CADPS2: variants seen among roughly 807,000 people sequenced by gnomAD.
The protein encoded by CADPS2 is calcium-dependent secretion activator 2.
Under a neutral mutation model 172.5 loss-of-function variants are expected in CADPS2, and 93 were observed. That is an observed-to-expected ratio of 0.54 (90% CI 0.46 to 0.64). The LOEUF is 0.64. Among genes scored for constraint, CADPS2 ranks in the 30% least tolerant of loss-of-function variants. CADPS2 has a pLI of 0.00. For missense variants in CADPS2, 1,420 were observed against 1,565.9 expected, an observed-to-expected ratio of 0.91 and a Z score of 1.57; for synonymous variants, 546 against 555.2, an observed-to-expected ratio of 0.98 and a Z score of 0.23.
chr7:122,493,720 C>CTTTTT (rs10544810), intron 9 of CADPS2, among the ~76,000 whole-genome samples: 1 of 131,582 alleles, frequency 7.6e-6, no homozygotes, highest in East Asian at 2.3e-4. Context: ...TATGTTTAAT[C>CTTTTT]TTTTTTTTTT....
intron 7 of CADPS2, among the ~76,000 whole-genome samples, chr7:122,559,542 C>G (rs971080487): frequency 6.6e-6 from 1 of 151,948 alleles, no homozygotes; most frequent in Non-Finnish European, 1.5e-5. Context: ...GAAGCCGAGG[C>G]AGGTGGATCA....
chr7:122,335,202 T>A (rs571441286), intron 28 of CADPS2, among the ~76,000 whole-genome samples: 3 of 152,228 alleles, frequency 2.0e-5, no homozygotes, highest in Non-Finnish European at 4.4e-5. Flanking sequence ...AAACATGTAC[T>A]TTTACTGCCT....
At position 122,530,315 on chromosome 7, in the gene CADPS2, CTT is replaced by C. The variant is rs554922076; in HGVS notation, c.1476-17002_1476-17001del. Among the ~76,000 whole-genome samples, 308 of 133,422 alleles carry C rather than the reference CTT, an allele frequency of 2.3e-3. 1 individual carries two copies. Among genetic ancestry groups the C allele is most frequent in the African/African-American group, 7.8e-3 (287 of 36,998 alleles). The allele number at this position is 133,422 out of a possible 152,430, so 87.5% of individuals were successfully genotyped here. ...AGGTTTCCACTTAGGCTTAAGTTAG[CTT>C]TTTTTTTTTTTTTTCCCACTAGCTT... On this transcript the variant is annotated intron_variant, in intron 8 of 29. Transcript: ENST00000449022.
At chr7:122,519,322 G>A (rs779105244) in intron 8 of CADPS2, among the ~76,000 whole-genome samples, 12 of 152,014 alleles carry the variant, frequency 7.9e-5, no homozygotes, top group African/African-American at 1.7e-4. Flanking sequence ...TAAAGTATTT[G>A]TTTTCATGAA....
intron 1 of CADPS2, among the ~76,000 whole-genome samples, chr7:122,817,662 T>C (rs13221717): frequency 0.2 from 30,144 of 151,480 alleles, 3,135 homozygotes; most frequent in Middle Eastern, 0.3. Flanking sequence ...AGTACCCCAA[T>C]CCCTTCTCTC....
intron 2 of CADPS2, among the ~76,000 whole-genome samples, chr7:122,715,263 CCT>C (rs2089425829): frequency 6.6e-6 from 1 of 152,048 alleles, no homozygotes; most frequent in Non-Finnish European, 1.5e-5. Context: ...AGATTTTAAG[CCT>C]CTGTTGACTA....
At chr7:122,449,075 C>T (rs1475865459) in intron 15 of CADPS2, among the ~76,000 whole-genome samples, 1 of 152,166 alleles carries the variant, frequency 6.6e-6, no homozygotes, top group Admixed American at 6.5e-5. Flanking sequence ...TGCTCGAGAC[C>T]TGCAGGCAAG....
intron 1 of CADPS2, among the ~76,000 whole-genome samples, chr7:122,878,189 G>A (rs1022214539): frequency 6.6e-6 from 1 of 151,228 alleles, no homozygotes; most frequent in Non-Finnish European, 1.5e-5. Flanking sequence ...GAATCTGGGA[G>A]GTGGAGGTTG....
chr7:122,710,941 T>G (rs188736099), intron 2 of CADPS2, among the ~76,000 whole-genome samples: 1 of 152,250 alleles, frequency 6.6e-6, no homozygotes, highest in East Asian at 1.9e-4. Flanking sequence ...CAATAAAACT[T>G]GCTCAAGGTC....
At chr7:122,577,493 T>C (rs1194421148) in intron 7 of CADPS2, among the ~76,000 whole-genome samples, 1 of 152,216 alleles carries the variant, frequency 6.6e-6, no homozygotes, top group Non-Finnish European at 1.5e-5. Context: ...CATTAATTAA[T>C]AGCTTGTTTC....
chr7:122,379,308 A>G, intron 25 of CADPS2, 60 bp downstream of exon 25: 1 of 1,084,434 alleles, frequency 9.2e-7, no homozygotes, highest in Non-Finnish European at 1.3e-6. Flanking sequence ...AAAACATTAA[A>G]AAATTCTCCA....
chr7:122,724,379 T>A (rs1245258535), intron 2 of CADPS2, among the ~76,000 whole-genome samples: 1 of 151,910 alleles, frequency 6.6e-6, no homozygotes, highest in Non-Finnish European at 1.5e-5. Flanking sequence ...GTCTAGTATA[T>A]GTTCAGTGTC....
chr7:122,815,791 C>G (rs1247075265), intron 1 of CADPS2, among the ~76,000 whole-genome samples: 2 of 152,014 alleles, frequency 1.3e-5, no homozygotes, highest in African/African-American at 4.8e-5. Flanking sequence ...GCAGCTCCAA[C>G]TGAAATCATT....
At chr7:122,757,729 C>T (rs1378963771) in intron 1 of CADPS2, among the ~76,000 whole-genome samples, 3 of 151,574 alleles carry the variant, frequency 2.0e-5, no homozygotes, top group Admixed American at 6.6e-5. Flanking sequence ...AGATGCCTGT[C>T]GATTAGGAGA....
At chr7:122,741,404 C>T (rs2092467641) in intron 1 of CADPS2, among the ~76,000 whole-genome samples, 1 of 152,076 alleles carries the variant, frequency 6.6e-6, no homozygotes, top group Non-Finnish European at 1.5e-5. Context: ...TTTGAGTTTT[C>T]AAGTGAAACA....
At chr7:122,581,859 C>A (rs962780870) in intron 6 of CADPS2, among the ~76,000 whole-genome samples, 2 of 152,068 alleles carry the variant, frequency 1.3e-5, no homozygotes, top group Admixed American at 6.6e-5. Context: ...TAATTTCCCA[C>A]TACATTCTCT....
intron 3 of CADPS2, among the ~76,000 whole-genome samples, chr7:122,631,412 A>G (rs1312405886): frequency 6.6e-6 from 1 of 152,098 alleles, no homozygotes; most frequent in East Asian, 1.9e-4. Context: ...AAATTTTGGT[A>G]GTTTTGTTTG....
intron 27 of CADPS2, among the ~76,000 whole-genome samples, chr7:122,351,402 A>AAAAAAAAAAAAAAAAAAAAAAAAAC (rs1563126500): frequency 6.9e-6 from 1 of 145,708 alleles, no homozygotes; most frequent in African/African-American, 2.5e-5. Flanking sequence ...AAAAAAAAAA[A>AAAAAAAAAAAAAAAAAAAAAAAAAC]ATTCCAAACT....
chr7:122,535,498 G>T (rs552788186), intron 8 of CADPS2, among the ~76,000 whole-genome samples: 6 of 152,068 alleles, frequency 3.9e-5, no homozygotes, highest in Admixed American at 3.3e-4. Context: ...ACTCTAAAAA[G>T]GTAATAGTAT....
Sources: allele counts gnomAD v4.1 joint callset (sites outside exome capture counted in the v4.1 genomes callset), GRCh38; gene constraint gnomAD v4.1.1; transcripts MANE v1.5; gene names NCBI Gene and HGNC (gene_info 2026-07-23, HGNC 2026-07-21).